ADRA2C: variants seen among roughly 807,000 people sequenced by gnomAD.
ADRA2C encodes adrenoceptor alpha 2C.
ADRA2C carries 4 observed loss-of-function variants against 7.9 expected under a neutral mutation model. The observed-to-expected ratio is 0.51, with a 90% CI of 0.25 to 1.16. The LOEUF is 1.16. Ranked by LOEUF, ADRA2C falls within the 50% of genes most tolerant of loss-of-function variation. ADRA2C has a pLI of 0.15. For missense variants in ADRA2C, 589 were observed against 677.7 expected, an observed-to-expected ratio of 0.87 and a Z score of 1.45; for synonymous variants, 368 against 328.9, an observed-to-expected ratio of 1.12 and a Z score of -1.29.
In ADRA2C at chr4:3,766,862, C is replaced by A; in HGVS notation, c.256C>A (p.Gln86Lys). 6.2e-7 allele frequency: 1 copy of A among 1,603,694 alleles called. No homozygotes were observed. Among genetic ancestry groups the A allele is most frequent in the Non-Finnish European group, 8.5e-7 (1 of 1,175,998 alleles). ...VLTSRALRAP[Q>K]NLFLVSLASA... ...GACCAGCCGGGCGCTGCGCGCGCCA[C>A]AGAACCTCTTCCTGGTGTCGCTGGC... is the stretch of plus-strand genomic sequence containing the variant. The change falls in exon 1 of 1, where the codon CAG becomes AAG. Residue 86 changes from glutamine (Q) to lysine (K), a missense_variant. Gln to Lys is a moderately conservative substitution (Grantham distance 53). Coordinates refer to ENST00000330055, the MANE Select transcript of ADRA2C (RefSeq NM_000683.4). The surrounding 1 kb of genome is among the most constrained non-coding windows in gnomAD (Gnocchi z 4.5).
At position 3,767,813 on chromosome 4, in the gene ADRA2C, A is replaced by T. The variant is rs1735489450; in HGVS notation, c.1207A>T (p.Ser403Cys). ...CTGGTTCCCCTTCTTCTTCAGCTAC[A>T]GCCTGTACGGCATCTGCCGCGAGGC... ...LCWFPFFFSY[S>C]LYGICREACQ... is the part of the protein sequence containing the mutation. The change falls in exon 1 of 1, where the codon AGC becomes TGC. Residue 403 changes from serine (S) to cysteine (C), a missense_variant. Ser to Cys is a moderately radical substitution (Grantham distance 112). Transcript: ENST00000330055. The T allele has an allele frequency of 1.2e-6, 2 of 1,613,120 alleles. No homozygotes were observed. Among genetic ancestry groups the T allele is most frequent in the Admixed American group, 1.7e-5 (1 of 60,006 alleles).
rs7434630 is a variant in ADRA2C, at chr4:3,767,773, C to T, written c.1167C>T (p.Gly389=). 117,276 of 1,613,018 alleles carry T rather than the reference C, an allele frequency of 0.073. 9,093 individuals carry two copies. The highest frequency in any genetic ancestry group is 0.39 in the African/African-American group (29,077 of 74,972). The change falls in exon 1 of 1, where the codon GGC becomes GGT. Residue 389 remains glycine, a synonymous_variant. Transcript: ENST00000330055. ...RFTFVLAVVM[G]VFVLCWFPFF... The stretch of plus-strand genomic sequence containing the variant: ...CCTTTGTGCTGGCTGTGGTCATGGG[C>T]GTGTTCGTGCTCTGCTGGTTCCCCT...
At position 3,766,771 on chromosome 4, in the gene ADRA2C, T is replaced by A. The variant is rs1388714753; in HGVS notation, c.165T>A (p.Ala55=). 6 of 1,544,466 alleles carry A rather than the reference T, an allele frequency of 3.9e-6. No homozygotes were observed. In the African/African-American group the frequency reaches 5.5e-5, roughly 14 times the overall value. Residue 55 remains alanine (A), a synonymous_variant, in exon 1 of 1, where the codon GCT becomes GCA. Transcript: ENST00000330055. The surrounding 1 kb of genome is among the most constrained non-coding windows in gnomAD (Gnocchi z 4.5). Reference sequence around the variant, plus strand: ...CGGCGGGCGCGGTGGCAGGGCTGGCTGCCGTGGTGGGCTTCCTCATCGTCT... The same window carrying A: ...CGGCGGGCGCGGTGGCAGGGCTGGCAGCCGTGGTGGGCTTCCTCATCGTCT... ...QYSAGAVAGL[A]AVVGFLIVFT... is the part of the protein sequence containing the mutation.
Position 3,767,793 on chromosome 4 carries a change from T to C in ADRA2C, c.1187T>C (p.Phe396Ser). Residue 396 changes from phenylalanine (F) to serine (S), a missense_variant, in exon 1 of 1, where the codon TTC becomes TCC. Phe to Ser is a radical substitution (Grantham distance 155). Coordinates refer to ENST00000330055, the MANE Select transcript of ADRA2C (RefSeq NM_000683.4). ...ATGGGCGTGTTCGTGCTCTGCTGGT[T>C]CCCCTTCTTCTTCAGCTACAGCCTG... ...VVMGVFVLCW[F>S]PFFFSYSLYG... 5 of 1,613,242 alleles carry C rather than the reference T, an allele frequency of 3.1e-6. No homozygotes were observed. The highest frequency in any genetic ancestry group is 4.2e-6 in the Non-Finnish European group (5 of 1,179,848).
At position 3,767,453 on chromosome 4, in the gene ADRA2C, G is replaced by A. The variant is rs986239836; in HGVS notation, c.847G>A (p.Val283Met). ...NGHCAPPPAD[V>M]EPDESSAAAE... ...GCACTGCGCGCCCCCGCCCGCCGAC[G>A]TGGAGCCGGACGAGAGCAGCGCAGC... Residue 283 changes from valine to methionine, a missense_variant, in exon 1 of 1, where the codon GTG becomes ATG. Physicochemically the swap from Val to Met is conservative, Grantham distance 21. Transcript: ENST00000330055. 6.0e-6 allele frequency: 9 copies of A among 1,491,094 alleles called. No individual in the cohort carries two copies. The highest frequency in any genetic ancestry group is 1.4e-5 in the African/African-American group (1 of 68,976). 92.4% of individuals were successfully genotyped at this position (1,491,094 alleles called of 1,614,324 possible).
Position 3,766,617 on chromosome 4 carries a change from C to T in ADRA2C, c.11C>T (p.Pro4Leu). MASPALAAALAVAA... is the reference protein window; with the variant it reads MASLALAAALAVAA... ...GCTCGCGGGAGGACCATGGCGTCCC[C>T]GGCGCTGGCGGCGGCGCTGGCGGTG... Residue 4 changes from proline (P) to leucine (L), a missense_variant, in exon 1 of 1, where the codon CCG (proline) becomes CTG (leucine). By Grantham distance (98) the Pro-to-Leu change is moderately conservative (BLOSUM62 -3). Coordinates refer to ENST00000330055, the MANE Select transcript of ADRA2C (RefSeq NM_000683.4). The surrounding 1 kb of genome is among the most constrained non-coding windows in gnomAD (Gnocchi z 4.5). The T allele has an allele frequency of 8.4e-7, 1 of 1,192,958 alleles. No homozygotes were observed. Among genetic ancestry groups the T allele is most frequent in the Non-Finnish European group, 1.0e-6 (1 of 964,862 alleles). The allele number at this position is 1,192,958 out of a possible 1,614,324, so 73.9% of individuals were successfully genotyped here.
Position 3,767,984 on chromosome 4 carries a change from T to G in ADRA2C, c.1378T>G (p.Phe460Val). ...CCTCTTCCGACGGAGGAGAAGGGGC[T>G]TCAGGCAGTGACTCGCACCCGTCTG... The part of the protein sequence containing the change: ...HILFRRRRRG[F>V]RQ Residue 460 changes from phenylalanine to valine, a missense_variant, in exon 1 of 1, where the codon TTC becomes GTC. Phe to Val is a conservative substitution (Grantham distance 50, BLOSUM62 -1). Coordinates refer to ENST00000330055, the MANE Select transcript of ADRA2C (RefSeq NM_000683.4). 1 of 1,606,570 alleles carries G rather than the reference T, an allele frequency of 6.2e-7. No individual in the cohort carries two copies. Among genetic ancestry groups the G allele is most frequent in the Non-Finnish European group, 8.5e-7 (1 of 1,178,120 alleles).
chr4:3,768,352 C>A lies in ADRA2C; in HGVS notation c.*357C>A. 1 of 709,904 alleles carries A rather than the reference C, an allele frequency of 1.4e-6. No individual in the cohort carries two copies. Among genetic ancestry groups the A allele is most frequent in the South Asian group, 1.5e-5 (1 of 66,424 alleles). 44.0% of individuals were successfully genotyped at this position (709,904 alleles called of 1,614,324 possible). On this transcript the variant is annotated 3_prime_UTR_variant, in exon 1 of 1. Coordinates refer to ENST00000330055, the MANE Select transcript of ADRA2C (RefSeq NM_000683.4). ...AAGGAGCCCCCCAAAGACACTACCA[C>A]TCCCCATCCCCGTCTGACCAAGGGC... is the stretch of plus-strand genomic sequence containing the variant.
In ADRA2C at chr4:3,767,718, AG is replaced by A. The variant is rs1560345573; in HGVS notation, c.1114del (p.Val372TrpfsTer143). On this transcript the variant is annotated frameshift_variant, in exon 1 of 1. Transcript: ENST00000330055. LOFTEE classifies it high-confidence loss of function. Reference sequence around the variant, plus strand: ...GCGCGCAGCAGCGTGTGCCGCCGCAAGGTGGCCCAGGCGCGCGAGAAGCGCT... The same window carrying A: ...GCGCGCAGCAGCGTGTGCCGCCGCAAGTGGCCCAGGCGCGCGAGAAGCGCT... ...RRARSSVCRR[K>X]VAQAREKRFT... 1 of 1,610,900 alleles carries A rather than the reference AG, an allele frequency of 6.2e-7. No individual in the cohort carries two copies. Among genetic ancestry groups the A allele is most frequent in the Non-Finnish European group, 8.5e-7 (1 of 1,179,056 alleles).
At position 3,766,639 on chromosome 4, in the gene ADRA2C, G is replaced by A. The variant is rs1300409152; in HGVS notation, c.33G>A (p.Ala11=). ...CCCCGGCGCTGGCGGCGGCGCTGGC[G>A]GTGGCGGCAGCGGCGGGCCCCAATG... The part of the protein sequence containing the change: MASPALAAAL[A]VAAAAGPNAS... The change falls in exon 1 of 1, where the codon GCG becomes GCA. Residue 11 remains alanine (A), a synonymous_variant. Transcript: ENST00000330055. This position sits in a 1 kb window ranked among gnomAD's most constrained non-coding sequence, Gnocchi z 4.5. 1.6e-5 allele frequency: 20 copies of A among 1,218,812 alleles called. No homozygotes were observed. The highest frequency in any genetic ancestry group is 3.1e-4 in the Middle Eastern group (1 of 3,184). 75.5% of individuals were successfully genotyped at this position (1,218,812 alleles called of 1,614,324 possible).
In ADRA2C at chr4:3,767,068, G is replaced by A; in HGVS notation, c.462G>A (p.Thr154=). Residue 154 remains threonine, a synonymous_variant, in exon 1 of 1, where the codon ACG becomes ACA. Coordinates refer to ENST00000330055, the MANE Select transcript of ADRA2C (RefSeq NM_000683.4). Reference sequence around the variant, plus strand: ...GCCTGGACCGCTACTGGTCGGTGACGCAGGCCGTCGAGTACAACCTGAAGC... The same window carrying A: ...GCCTGGACCGCTACTGGTCGGTGACACAGGCCGTCGAGTACAACCTGAAGC... The part of the protein sequence containing the change: ...AISLDRYWSV[T]QAVEYNLKRT... 1 of 1,610,640 alleles carries A rather than the reference G, an allele frequency of 6.2e-7. No homozygotes were observed. The highest frequency in any genetic ancestry group is 1.3e-5 in the African/African-American group (1 of 75,050).
Position 3,766,651 on chromosome 4 carries a change from G to C in ADRA2C, c.45G>C (p.Ala15=), listed in dbSNP as rs1735448171. 1.6e-6 allele frequency: 2 copies of C among 1,237,044 alleles called. No homozygotes were observed. The highest frequency in any genetic ancestry group is 7.7e-5 in the South Asian group (2 of 25,862). The allele number at this position is 1,237,044 out of a possible 1,614,324, so 76.6% of individuals were successfully genotyped here. Reference sequence around the variant, plus strand: ...CGGCGGCGCTGGCGGTGGCGGCAGCGGCGGGCCCCAATGCGAGCGGCGCGG... The same window carrying C: ...CGGCGGCGCTGGCGGTGGCGGCAGCCGCGGGCCCCAATGCGAGCGGCGCGG... ...ALAAALAVAA[A]AGPNASGAGE... The change falls in exon 1 of 1, where the codon GCG becomes GCC. Residue 15 remains alanine (A), a synonymous_variant. Transcript: ENST00000330055. This position sits in a 1 kb window ranked among gnomAD's most constrained non-coding sequence, Gnocchi z 4.5.
rs1158956086 is a variant in ADRA2C at position 3,766,855 on chromosome 4, C to T, written c.249C>T (p.Arg83=). ...CCGTGCTGACCAGCCGGGCGCTGCG[C>T]GCGCCACAGAACCTCTTCCTGGTGT... ...VIAVLTSRAL[R]APQNLFLVSL... Residue 83 remains arginine (R), a synonymous_variant, in exon 1 of 1, where the codon CGC becomes CGT. Coordinates refer to ENST00000330055, the MANE Select transcript of ADRA2C (RefSeq NM_000683.4). This position sits in a 1 kb window ranked among gnomAD's most constrained non-coding sequence, Gnocchi z 4.5. 1 of 1,597,912 alleles carries T rather than the reference C, an allele frequency of 6.3e-7. No homozygotes were observed. Among genetic ancestry groups the T allele is most frequent in the Admixed American group, 1.7e-5 (1 of 57,700 alleles).
chr4:3,768,281 G>T lies in ADRA2C; in HGVS notation c.*286G>T, dbSNP rs1174497259. On this transcript the variant is annotated 3_prime_UTR_variant, in exon 1 of 1. Transcript: ENST00000330055. ...CTGCCGAGGTGTGGCTGTGAGGTCA[G>T]GGTTTTAGAGAGCAGTGGCAGAGGT... The T allele has an allele frequency of 4.2e-6, 3 of 717,212 alleles. No homozygotes were observed. The highest frequency in any genetic ancestry group is 3.5e-5 in the African/African-American group (2 of 57,264). 44.4% of individuals were successfully genotyped at this position (717,212 alleles called of 1,614,324 possible).
rs1369494867 is a variant in ADRA2C at position 3,767,133 on chromosome 4, G to A, written c.527G>A (p.Trp176Ter). 6.2e-7 allele frequency: 1 copy of A among 1,608,568 alleles called. No homozygotes were observed. Among genetic ancestry groups the A allele is most frequent in the Non-Finnish European group, 8.5e-7 (1 of 1,179,786 alleles). ...GTCAAGGCCACCATCGTGGCCGTGT[G>A]GCTCATCTCGGCCGTCATCTCCTTC... Reference protein sequence around the residue: ...RRVKATIVAVWLISAVISFPP... With the variant: ...RRVKATIVAV Residue 176 changes from tryptophan to a stop codon, truncating the protein, a stop_gained, in exon 1 of 1, where the codon TGG becomes TAG. Transcript: ENST00000330055. LOFTEE classifies it low-confidence loss of function (END_TRUNC).
chr4:3,767,490 G>T lies in ADRA2C; in HGVS notation c.884G>T (p.Arg295Leu). 2 of 1,185,050 alleles carry T rather than the reference G, an allele frequency of 1.7e-6. No individual in the cohort carries two copies. The allele number at this position is 1,185,050 out of a possible 1,614,324, so 73.4% of individuals were successfully genotyped here. The stretch of plus-strand genomic sequence containing the variant: ...GAGAGCAGCGCAGCGGCCGAGAGGC[G>T]GCGGCGCCGGGGCGCGTTGCGGCGG... ...PDESSAAAER[R>L]RRRGALRRGG... is the part of the protein sequence containing the mutation. Residue 295 changes from arginine to leucine, a missense_variant, in exon 1 of 1, where the codon CGG (arginine) becomes CTG (leucine). Physicochemically the swap from Arg to Leu is moderately radical, Grantham distance 102. Transcript: ENST00000330055.
Position 3,768,088 on chromosome 4 carries a change from A to AGCTT in ADRA2C, c.*93_*94insGCTT. The AGCTT allele has an allele frequency of 1.0e-5, 12 of 1,193,398 alleles. No individual in the cohort carries two copies. The highest frequency in any genetic ancestry group is 2.2e-5 in the Admixed American group (1 of 46,254). 73.9% of individuals were successfully genotyped at this position (1,193,398 alleles called of 1,614,324 possible). A position where few individuals can be genotyped will look rare whatever the true frequency, so the allele number is the denominator to read the frequency against. On this transcript the variant is annotated 3_prime_UTR_variant, in exon 1 of 1. Transcript: ENST00000330055. ...GGGGAGCTTTCCCAGAGACCCGGGG[A>AGCTT]TGGATTGGCCTCCAGGGCGCAGGGG...
At position 3,767,620 on chromosome 4, in the gene ADRA2C, C is replaced by T. The variant is rs1735483225; in HGVS notation, c.1014C>T (p.Ser338=). The T allele has an allele frequency of 3.0e-6, 4 of 1,351,768 alleles. No homozygotes were observed. The highest frequency in any genetic ancestry group is 4.1e-5 in the Admixed American group (1 of 24,350). 83.7% of individuals were successfully genotyped at this position (1,351,768 alleles called of 1,614,324 possible). The part of the protein sequence containing the change: ...AESGALTASR[S]PGPGGRLSRA... ...CGGGGGCGCTGACCGCCTCCAGGTC[C>T]CCGGGGCCCGGTGGCCGCCTGTCGC... The change falls in exon 1 of 1, where the codon TCC becomes TCT. Residue 338 remains serine (S), a synonymous_variant. Coordinates refer to ENST00000330055, the MANE Select transcript of ADRA2C (RefSeq NM_000683.4).
In ADRA2C at chr4:3,766,415, G is replaced by A. The variant is rs1027938176; in HGVS notation, c.-192G>A. On this transcript the variant is annotated 5_prime_UTR_variant, in exon 1 of 1. Coordinates refer to ENST00000330055, the MANE Select transcript of ADRA2C (RefSeq NM_000683.4). This position sits in a 1 kb window ranked among gnomAD's most constrained non-coding sequence, Gnocchi z 4.5. ...CACGCTCGGCAGCTGCGGGGAGCCC[G>A]GCAGCCACGCTCTCCGGCGCGCCGC... 5.2e-6 allele frequency: 1 copy of A among 193,016 alleles called. No homozygotes were observed. Among genetic ancestry groups the A allele is most frequent in the Non-Finnish European group, 9.2e-6 (1 of 108,458 alleles). 12.0% of individuals were successfully genotyped at this position (193,016 alleles called of 1,614,324 possible). A position where few individuals can be genotyped will look rare whatever the true frequency, so the allele number is the denominator to read the frequency against.
Sources: allele counts gnomAD v4.1 joint callset, GRCh38; gene constraint gnomAD v4.1.1; non-coding constraint Gnocchi (gnomAD v3.1); transcripts MANE v1.5; gene names NCBI Gene and HGNC (gene_info 2026-07-23, HGNC 2026-07-21).